MYO16: variants seen among roughly 807,000 people sequenced by gnomAD.
MYO16 encodes unconventional myosin-XVI.
In MYO16, 94 loss-of-function variants were observed where a neutral mutation model predicts 205.3. The ratio of observed to expected loss-of-function variants is 0.46; its 90% CI spans 0.39 to 0.54. The LOEUF (loss-of-function observed/expected upper bound fraction) is 0.54. Among genes scored for constraint, MYO16 ranks in the 20% least tolerant of loss-of-function variants. The probability of loss-of-function intolerance (pLI) is 0.00; values close to 1 mark genes in which losing one functional copy is unlikely to be tolerated. For missense variants in MYO16, 2,315 were observed against 2,387.5 expected (o/e 0.97, Z 0.63); for synonymous variants, 988 against 954.0 (o/e 1.04, Z -0.66).
chr13:108,664,271 C>T (rs1881627602), intron 1 of MYO16, among the ~76,000 whole-genome samples: 1 of 152,166 alleles, frequency 6.6e-6, no homozygotes, highest in Non-Finnish European at 1.5e-5. Flanking sequence ...TTTCTTCCTA[C>T]ATCCTATGTA....
At chr13:109,136,065 C>G (rs1192340888) in intron 31 of MYO16, among the ~76,000 whole-genome samples, 1 of 151,144 alleles carries the variant, frequency 6.6e-6, no homozygotes, top group Non-Finnish European at 1.5e-5. Context: ...CTCCTTCCTT[C>G]CTTCCTTCCT....
intron 4 of MYO16, among the ~76,000 whole-genome samples, chr13:108,728,923 T>G (rs1055038005): frequency 6.6e-6 from 1 of 152,176 alleles, no homozygotes; most frequent in Non-Finnish European, 1.5e-5. Context: ...TGTCTTAATC[T>G]TGTAGGAGGT....
chr13:108,815,575 G>A (rs1389390107), intron 7 of MYO16, among the ~76,000 whole-genome samples: 1 of 152,178 alleles, frequency 6.6e-6, no homozygotes, highest in Admixed American at 6.5e-5. Context: ...CTTATAGCCA[G>A]AAAGGAACAT....
chr13:109,103,618 T>TTC (rs140918431), intron 28 of MYO16, among the ~76,000 whole-genome samples: 6,843 of 152,312 alleles, frequency 0.045, 233 homozygotes, highest in Middle Eastern at 0.071. Context: ...CTGGCAGGTT[T>TTC]TCTCTTCTCT....
chr13:108,812,758 G>T (rs969085659), intron 7 of MYO16, among the ~76,000 whole-genome samples: 1 of 152,008 alleles, frequency 6.6e-6, no homozygotes, highest in Non-Finnish European at 1.5e-5. Flanking sequence ...TAGGTCATGA[G>T]GGTTTCACCC....
intron 1 of MYO16, among the ~76,000 whole-genome samples, chr13:108,618,982 C>T (rs907303544): frequency 2.0e-5 from 3 of 151,886 alleles, no homozygotes; most frequent in Non-Finnish European, 4.4e-5. Context: ...TCCCTAGAGC[C>T]CTTTTCCTAT....
the MYO16 span, among the ~76,000 whole-genome samples, chr13:108,588,508 A>C: frequency 6.6e-6 from 1 of 152,214 alleles, no homozygotes; most frequent in African/African-American, 2.4e-5. Context: ...TAGAAAAGGA[A>C]AAATACCAAG....
chr13:108,877,162 A>C lies in MYO16; in HGVS notation c.1426-5897A>C, dbSNP rs146113375. ...ATTTCTGTATTTTCTGCTCTTACAA[A>C]GAGTCCTAAGAATTGTTTTATAAAT... On this transcript the variant is annotated intron_variant, in intron 12 of 34. Transcript: ENST00000457511. Among the ~76,000 whole-genome samples the C allele has an allele frequency of 1.1e-3, 173 of 152,330 alleles. 2 individuals carry two copies. In the East Asian group the frequency reaches 0.03, roughly 26 times the overall value.
chr13:108,906,314 G>T (rs1880974361), intron 15 of MYO16, among the ~76,000 whole-genome samples: 1 of 152,150 alleles, frequency 6.6e-6, no homozygotes, highest in Non-Finnish European at 1.5e-5. Flanking sequence ...AGTTGAAATT[G>T]AAATTTACTA....
chr13:108,765,641 C>G (rs942658404), intron 4 of MYO16, among the ~76,000 whole-genome samples: 30 of 152,210 alleles, frequency 2.0e-4, no homozygotes, highest in Admixed American at 1.8e-3. Context: ...TCATCCCCAT[C>G]AGATACACAC....
At chr13:109,075,364 AT>A (rs1272650897) in intron 27 of MYO16, among the ~76,000 whole-genome samples, 2 of 128,304 alleles carry the variant, frequency 1.6e-5, no homozygotes, top group African/African-American at 6.0e-5. Context: ...ATTAAAATGA[AT>A]TTATACCAGC....
At chr13:108,756,792 A>G (rs1462842789) in intron 4 of MYO16, among the ~76,000 whole-genome samples, 2 of 152,162 alleles carry the variant, frequency 1.3e-5, no homozygotes, top group Non-Finnish European at 2.9e-5. Context: ...CATAGACACA[A>G]CCAGAAACAA....
intron 9 of MYO16, among the ~76,000 whole-genome samples, chr13:108,826,455 A>C (rs1876272588): frequency 1.3e-5 from 2 of 152,120 alleles, no homozygotes; most frequent in Admixed American, 1.3e-4. Context: ...AAGAGCTAAA[A>C]CTATAAAACT....
Position 108,846,524 on chromosome 13 carries a change from TG to T in MYO16, c.1248+2038del, listed in dbSNP as rs568343428. On this transcript the variant is annotated intron_variant, in intron 10 of 34. Coordinates refer to ENST00000457511, the MANE Select transcript of MYO16 (RefSeq NM_001198950.3). ...CATGTGTGTATATACATATATCCTTTGGGGGGGAATATTTTATTTTTAATAA... is the reference window on the plus strand; with the variant it reads ...CATGTGTGTATATACATATATCCTTTGGGGGGAATATTTTATTTTTAATAA... Among the ~76,000 whole-genome samples the T allele has an allele frequency of 4.0e-3, 293 of 74,060 alleles. 1 individual carries two copies. The highest frequency in any genetic ancestry group is 0.013 in the African/African-American group (264 of 19,814). 48.6% of individuals were successfully genotyped at this position (74,060 alleles called of 152,430 possible). A position where few individuals can be genotyped will look rare whatever the true frequency, so the allele number is the denominator to read the frequency against.
At chr13:108,745,774 AGAGGATTCTAAT>A (rs1163658019) in intron 4 of MYO16, among the ~76,000 whole-genome samples, 1 of 152,218 alleles carries the variant, frequency 6.6e-6, no homozygotes, top group Non-Finnish European at 1.5e-5. Flanking sequence ...ATTAATATAC[AGAGGATTCTAAT>A]GAGAAAAAGT....
chr13:108,869,106 C>A (rs1260842231), intron 12 of MYO16, among the ~76,000 whole-genome samples: 2 of 152,204 alleles, frequency 1.3e-5, no homozygotes, highest in Non-Finnish European at 2.9e-5. Flanking sequence ...TAATTACTGG[C>A]CTTTTCCTTT....
At chr13:108,752,665 G>A (rs1160208614) in intron 4 of MYO16, among the ~76,000 whole-genome samples, 4 of 143,570 alleles carry the variant, frequency 2.8e-5, no homozygotes, top group South Asian at 4.4e-4. Context: ...TTTTTGAGAC[G>A]GAGTCTCACT....
chr13:108,805,819 C>G lies in MYO16; in HGVS notation c.742-860C>G, dbSNP rs541888978. 8.0e-4 allele frequency among the ~76,000 whole-genome samples: 122 copies of G among 151,934 alleles called. 1 individual carries two copies. The highest frequency in any genetic ancestry group is 1.5e-3 in the Non-Finnish European group (104 of 67,982). On this transcript the variant is annotated intron_variant, in intron 6 of 34. Transcript: ENST00000457511. ...CTGGGGCTGGACATGGTGGATCATG[C>G]CTGTAACCCCAGCACTTTGGGAAGC...
chr13:108,985,686 T>G (rs1158320351), intron 20 of MYO16, among the ~76,000 whole-genome samples: 2 of 152,256 alleles, frequency 1.3e-5, no homozygotes, highest in Non-Finnish European at 2.9e-5. Flanking sequence ...TGATAGATGA[T>G]GCTTGAGCTT....
Sources: gnomAD v4.1 joint callset for allele counts (sites outside exome capture counted in the v4.1 genomes callset) on GRCh38, gnomAD v4.1.1 for gene constraint, MANE v1.5 for transcripts, NCBI Gene and HGNC (gene_info 2026-07-23, HGNC 2026-07-21) for gene names.